Variants in CES3 observed in about 807,000 individuals in gnomAD.
The protein encoded by CES3 is carboxylesterase 3, also known as carboxylesterase 3 (brain).
CES3 carries 49 observed loss-of-function variants against 57.6 expected under a neutral mutation model. The observed-to-expected ratio is 0.85, with a 90% CI of 0.68 to 1.08. CES3 has a LOEUF of 1.08. CES3 is among the 50% of genes least tolerant of loss of function. The probability of loss-of-function intolerance (pLI) is 0.00; values close to 1 mark genes in which losing one functional copy is unlikely to be tolerated. For synonymous variants in CES3, 266 were observed against 281.6 expected (o/e 0.94, Z 0.55); for missense variants, 645 against 742.0 (o/e 0.87, Z 1.52).
chr16:66,963,348 G>A lies in CES3; in HGVS notation c.252G>A (p.Trp84Ter), dbSNP rs777915399. ...CAGCCCCACACCCAGCACAGCCCTG[G>A]GAGGGTGTGCGGGATGCCAGCACTG... Reference protein sequence around the residue: ...RFSAPHPAQPWEGVRDASTAP... With the variant: ...RFSAPHPAQP The change falls in exon 2 of 13, where the codon TGG becomes TGA. Residue 84 changes from tryptophan (W) to a stop codon, truncating the protein, a stop_gained. Transcript: ENST00000303334. LOFTEE classifies it high-confidence loss of function. The surrounding 1 kb of genome is among the most constrained non-coding windows in gnomAD (Gnocchi z 4.9). The A allele has an allele frequency of 1.9e-6, 3 of 1,613,330 alleles. No individual in the cohort carries two copies. In the East Asian group the frequency reaches 6.7e-5, roughly 36 times the overall value.
chr16:66,973,274 G>T lies in CES3; in HGVS notation c.*225G>T, dbSNP rs1597025857. The T allele has an allele frequency of 3.7e-6, 2 of 544,692 alleles. No individual in the cohort carries two copies. Among genetic ancestry groups the T allele is most frequent in the South Asian group, 2.2e-5 (1 of 46,482 alleles). 33.7% of individuals were successfully genotyped at this position (544,692 alleles called of 1,614,324 possible). A position where few individuals can be genotyped will look rare whatever the true frequency, so the allele number is the denominator to read the frequency against. ...TCCCTCTCCCTGAAGTGCCTTTCCT[G>T]CTTTCTTCGTGGTAGGTTCTAGCAC... On this transcript the variant is annotated 3_prime_UTR_variant, in exon 13 of 13. Transcript: ENST00000303334.
rs139375014 is a variant in CES3, at chr16:66,972,461, T to G, written c.1397T>G (p.Phe466Cys). 8 of 1,614,022 alleles carry G rather than the reference T, an allele frequency of 5.0e-6. No homozygotes were observed. In the East Asian group the frequency reaches 1.8e-4, roughly 36 times the overall value. ...GCTGATCATGGGGCCGAGGGTGCTT[T>G]TGTGTTCGGAGGTCCCTTCCTCATG... Reference protein sequence around the residue: ...VKADHGAEGAFVFGGPFLMDE... With the variant: ...VKADHGAEGACVFGGPFLMDE... The change falls in exon 11 of 13, where the codon TTT (phenylalanine) becomes TGT (cysteine). Residue 466 changes from phenylalanine to cysteine, a missense_variant. By Grantham distance (205) the Phe-to-Cys change is radical (BLOSUM62 -2). Coordinates refer to ENST00000303334, the MANE Select transcript of CES3 (RefSeq NM_024922.6).
Position 66,963,102 on chromosome 16 carries a change from C to A in CES3, c.83-77C>A. ...GCTGTGTGGTAAGTACTGAGAACAG[C>A]CTGAGGGTTTGTCTTTCACTCCTTC... On this transcript the variant is annotated intron_variant, in intron 1 of 12. Transcript: ENST00000303334. This position sits in a 1 kb window ranked among gnomAD's most constrained non-coding sequence, Gnocchi z 4.9. 2 of 1,462,588 alleles carry A rather than the reference C, an allele frequency of 1.4e-6. No homozygotes were observed. The highest frequency in any genetic ancestry group is 1.9e-6 in the Non-Finnish European group (2 of 1,045,096). 90.6% of individuals were successfully genotyped at this position (1,462,588 alleles called of 1,614,324 possible). A position where few individuals can be genotyped will look rare whatever the true frequency, so the allele number is the denominator to read the frequency against.
intron 4 of CES3, 44 bp from the exon 5 acceptor site, chr16:66,964,313 G>A (rs904558205): frequency 1.8e-5 from 29 of 1,600,300 alleles, no homozygotes; most frequent in Admixed American, 6.8e-5. Flanking sequence ...AGAGGCTGGC[G>A]AGGAGCCAGG....
At chr16:66,968,741 C>T (rs1963779575) in intron 8 of CES3, among the ~76,000 whole-genome samples, 1 of 151,922 alleles carries the variant, frequency 6.6e-6, no homozygotes, top group African/African-American at 2.4e-5. Context: ...TGGTGAAACC[C>T]CATCTGTACT....
intron 8 of CES3, among the ~76,000 whole-genome samples, chr16:66,968,461 C>T (rs965559313): frequency 6.6e-5 from 10 of 152,152 alleles, no homozygotes; most frequent in Non-Finnish European, 1.0e-4. Context: ...AGGCTGCACC[C>T]GGTCCTGGCA....
At position 66,966,758 on chromosome 16, in the gene CES3, A is replaced by T. The variant is rs1963738042; in HGVS notation, c.955A>T (p.Thr319Ser). 1.2e-6 allele frequency: 2 copies of T among 1,614,116 alleles called. No homozygotes were observed. The highest frequency in any genetic ancestry group is 1.3e-5 in the African/African-American group (1 of 75,022). Residue 319 changes from threonine (T) to serine (S), a missense_variant, in exon 8 of 13, where the codon ACT becomes TCT. Thr to Ser is a moderately conservative substitution (Grantham distance 58). Coordinates refer to ENST00000303334, the MANE Select transcript of CES3 (RefSeq NM_024922.6). ...TATCTATCCTCTCACCGTTGATGGC[A>T]CTGTCTTCCCCAAAAGCCCCAAGGA... ...NTIYPLTVDG[T>S]VFPKSPKELL... is the part of the protein sequence containing the mutation.
Position 66,961,347 on chromosome 16 carries a change from G to T in CES3, c.40G>T (p.Gly14Trp). The change falls in exon 1 of 13, where the codon GGG (glycine) becomes TGG (tryptophan). Residue 14 changes from glycine to tryptophan, a missense_variant. By Grantham distance (184) the Gly-to-Trp change is radical. Coordinates refer to ENST00000303334, the MANE Select transcript of CES3 (RefSeq NM_024922.6). The part of the protein sequence containing the change: ...AVRVESGVLV[G>W]VVCLLLACPA... ...GAGAGTGGAGTCCGGGGTCCTGGTCGGGGTGGTCTGTCTGCTCCTGGCATG... is the reference window on the plus strand; with the variant it reads ...GAGAGTGGAGTCCGGGGTCCTGGTCTGGGTGGTCTGTCTGCTCCTGGCATG... The T allele has an allele frequency of 6.2e-7, 1 of 1,613,734 alleles. No individual in the cohort carries two copies.
intron 8 of CES3, 58 bp downstream of exon 8, chr16:66,966,923 C>T: frequency 6.3e-7 from 1 of 1,592,642 alleles, no homozygotes; most frequent in Non-Finnish European, 8.6e-7. Flanking sequence ...TACCTGCCAC[C>T]CCAGCATCAA....
Position 66,963,749 on chromosome 16 carries a change from G to A in CES3, c.427-53G>A, listed in dbSNP as rs1188204479. The A allele has an allele frequency of 1.2e-6, 2 of 1,608,970 alleles. No individual in the cohort carries two copies. Among genetic ancestry groups the A allele is most frequent in the African/African-American group, 1.3e-5 (1 of 74,842 alleles). On this transcript the variant is annotated intron_variant, in intron 3 of 12. Transcript: ENST00000303334. The surrounding 1 kb of genome is among the most constrained non-coding windows in gnomAD (Gnocchi z 4.9). ...TGAGACTGCCTGGGCTGGCAGGTGG[G>A]CAGCTAAGGTCTCAGGAGCTTGGGG...
intron 8 of CES3, among the ~76,000 whole-genome samples, chr16:66,969,133 C>T (rs1399886493): frequency 1.3e-5 from 2 of 152,162 alleles, no homozygotes; most frequent in Admixed American, 6.5e-5. Flanking sequence ...AGGCTGGGCC[C>T]GGCGGCTCAT....
intron 6 of CES3, among the ~76,000 whole-genome samples, chr16:66,964,989 C>T (rs1597020306): frequency 6.6e-6 from 1 of 152,208 alleles, no homozygotes; most frequent in East Asian, 1.9e-4. Flanking sequence ...AGGAGCACCC[C>T]TCTCTGCCCC....
At position 66,971,303 on chromosome 16, in the gene CES3, T is replaced by C. The variant is rs757859683; in HGVS notation, c.1275T>C (p.Phe425=). 6.2e-7 allele frequency: 1 copy of C among 1,613,808 alleles called. No individual in the cohort carries two copies. The highest frequency in any genetic ancestry group is 8.5e-7 in the Non-Finnish European group (1 of 1,179,820). The change falls in exon 10 of 13, where the codon TTT becomes TTC. Residue 425 remains phenylalanine, a synonymous_variant. Transcript: ENST00000303334. The stretch of plus-strand genomic sequence containing the variant: ...TCATCAATGTTCCCACCGTCAGTTT[T>C]TCAAGATACCTTCGAGGTAAGCCTG... ...DVFINVPTVS[F]SRYLRDSGSP...
chr16:66,972,338 C>A lies in CES3; in HGVS notation c.1292-18C>A. On this transcript the variant is annotated intron_variant, in intron 10 of 12. Transcript: ENST00000303334. The stretch of plus-strand genomic sequence containing the variant: ...CAGGCCATGAGTGCCTAACTCCCAT[C>A]CCATCCTTTCTCTGTAGATTCTGGA... 6.4e-7 allele frequency: 1 copy of A among 1,570,652 alleles called. No homozygotes were observed.
Position 66,972,746 on chromosome 16 carries a change from GGTGA to G in CES3, c.1520+9_1520+12del. 6.2e-7 allele frequency: 1 copy of G among 1,614,172 alleles called. No individual in the cohort carries two copies. The highest frequency in any genetic ancestry group is 8.5e-7 in the Non-Finnish European group (1 of 1,180,038). ...CAGTGGACCCACTTTGCCCGGACAG[GGTGA>G]GTGAGTGACAGGGCATAGCTCGCTT... On this transcript the variant is annotated splice_donor_variant and splice_donor_region_variant and intron_variant, in intron 12 of 12. Coordinates refer to ENST00000303334, the MANE Select transcript of CES3 (RefSeq NM_024922.6). LOFTEE classifies it high-confidence loss of function.
Position 66,969,746 on chromosome 16 carries a change from T to C in CES3, c.1130T>C (p.Val377Ala). The C allele has an allele frequency of 6.2e-7, 1 of 1,612,342 alleles. No individual in the cohort carries two copies. Among genetic ancestry groups the C allele is most frequent in the East Asian group, 2.2e-5 (1 of 44,822 alleles). The change falls in exon 9 of 13, where the codon GTC becomes GCC. Residue 377 changes from valine (V) to alanine (A), a missense_variant. By Grantham distance (64) the Val-to-Ala change is moderately conservative. Transcript: ENST00000303334. The stretch of plus-strand genomic sequence containing the variant: ...GACATGCTGGCCATCTCAACACCCG[T>C]CTTGACCAGTCTGGTGAGACAAGAG... ...REDMLAISTP[V>A]LTSLDVPPEM...
chr16:66,970,368 A>G (rs1197925184), intron 9 of CES3, among the ~76,000 whole-genome samples: 1 of 152,148 alleles, frequency 6.6e-6, no homozygotes, highest in African/African-American at 2.4e-5. Context: ...TCGGCCTCCC[A>G]AAGTGCTGGG....
chr16:66,968,909 G>A (rs999384255), intron 8 of CES3, among the ~76,000 whole-genome samples: 14 of 152,090 alleles, frequency 9.2e-5, no homozygotes, highest in African/African-American at 3.1e-4. Flanking sequence ...GTGAGACACT[G>A]TCTCACAAAA....
intron 12 of CES3, 34 bp downstream of exon 12, chr16:66,972,780 CCTGGGATGCTCAGGTCGGCCCCT>C: frequency 6.2e-7 from 1 of 1,614,126 alleles, no homozygotes; most frequent in Non-Finnish European, 8.5e-7. Context: ...TCGCTTTGGG[CCTGGGATGCTCAGGTCGGCCCCT>C]CTGGGGGACA....
Sources: gnomAD v4.1 joint callset for allele counts (sites outside exome capture counted in the v4.1 genomes callset) on GRCh38, gnomAD v4.1.1 for gene constraint, Gnocchi (gnomAD v3.1) non-coding constraint, MANE v1.5 for transcripts, NCBI Gene and HGNC (gene_info 2026-07-23, HGNC 2026-07-21) for gene names.